Variants in ZNF440 observed in about 807,000 individuals in gnomAD.
The protein encoded by ZNF440 is zinc finger protein 440.
ZNF440 carries 47 observed loss-of-function variants against 49.7 expected under a neutral mutation model. The ratio of observed to expected loss-of-function variants is 0.95; its 90% confidence interval spans 0.75 to 1.21. ZNF440 has a LOEUF of 1.21. ZNF440 is among the 50% of genes most tolerant of loss of function. The pLI, the probability that ZNF440 is intolerant of heterozygous loss-of-function variation, is 0.00. For synonymous variants in ZNF440, 255 were observed against 237.7 expected, an observed-to-expected ratio of 1.07 and a Z score of -0.67; for missense variants, 703 against 715.0, an observed-to-expected ratio of 0.98 and a Z score of 0.19.
rs764788499 is a variant in ZNF440 at position 11,831,734 on chromosome 19, T to C, written c.558T>C (p.Ser186=). 2.5e-6 allele frequency: 4 copies of C among 1,613,980 alleles called. No individual in the cohort carries two copies. Among genetic ancestry groups the C allele is most frequent in the East Asian group, 4.5e-5 (2 of 44,858 alleles). ...VCGKTFISHS[S]VRRHMVMHSG... is the part of the protein sequence containing the mutation. The stretch of plus-strand genomic sequence containing the variant: ...GAAAAACCTTTATTTCCCATTCAAG[T>C]GTTCGAAGACACATGGTAATGCACA... Residue 186 remains serine (S), a synonymous_variant, in exon 4 of 4, where the codon AGT becomes AGC. Coordinates refer to ENST00000304060, the MANE Select transcript of ZNF440 (RefSeq NM_152357.3).
chr19:11,816,987 C>T (rs1975740346), intron 1 of ZNF440: 1 of 152,154 alleles, frequency 6.6e-6, no homozygotes, highest in African/African-American at 2.4e-5. Context: ...TTATAAGGTA[C>T]ATGAGGAGAC....
At chr19:11,816,238 G>A (rs1001545305) in intron 1 of ZNF440, 2 of 152,412 alleles carry the variant, frequency 1.3e-5, no homozygotes, top group African/African-American at 4.8e-5. Context: ...CTGGTTGAGA[G>A]TGTTGAATCT....
intron 1 of ZNF440, 96 bp from the exon 2 acceptor site, chr19:11,830,187 A>G: frequency 6.4e-7 from 1 of 1,565,090 alleles, no homozygotes; most frequent in East Asian, 2.2e-5. Flanking sequence ...ACGTGTTTGG[A>G]GTCCACGGCA....
At chr19:11,819,654 C>A (rs1245869402) in intron 1 of ZNF440, among the ~76,000 whole-genome samples, 2 of 152,188 alleles carry the variant, frequency 1.3e-5, no homozygotes, top group African/African-American at 2.4e-5. Context: ...TTCGCCTTGG[C>A]CTTCCAAAGT....
At chr19:11,824,517 G>A (rs1361973338) in intron 1 of ZNF440, among the ~76,000 whole-genome samples, 6 of 151,948 alleles carry the variant, frequency 3.9e-5, no homozygotes, top group African/African-American at 9.7e-5. Flanking sequence ...AATGATAACC[G>A]ATATGTGATA....
intron 1 of ZNF440, among the ~76,000 whole-genome samples, chr19:11,828,167 T>A (rs1005611984): frequency 4.6e-5 from 7 of 152,192 alleles, no homozygotes; most frequent in African/African-American, 1.7e-4. Flanking sequence ...ATGCCTTTTC[T>A]GCCTCTATTA....
In ZNF440 at chr19:11,834,072, A is replaced by C. The variant is rs1975988278; in HGVS notation, c.*1108A>C. 7.1e-6 allele frequency: 2 copies of C among 282,390 alleles called. No individual in the cohort carries two copies. Among genetic ancestry groups the C allele is most frequent in the Middle Eastern group, 7.9e-4 (2 of 2,530 alleles). The allele number at this position is 282,390 out of a possible 1,614,324, so 17.5% of individuals were successfully genotyped here. On this transcript the variant is annotated 3_prime_UTR_variant, in exon 4 of 4. Transcript: ENST00000304060. The stretch of plus-strand genomic sequence containing the variant: ...AATGCCAGACATCTTTTTATTCGAA[A>C]ATTTTACTTTTCATGCTTCTGTACT...
At chr19:11,818,707 A>AT (rs1296278982) in intron 1 of ZNF440, among the ~76,000 whole-genome samples, 1 of 151,918 alleles carries the variant, frequency 6.6e-6, no homozygotes, top group Non-Finnish European at 1.5e-5. Flanking sequence ...CACCTGGCTA[A>AT]TTTTTTATTT....
chr19:11,830,766 AGT>A, intron 3 of ZNF440, 89 bp downstream of exon 3: 2 of 1,457,190 alleles, frequency 1.4e-6, no homozygotes, highest in Non-Finnish European at 1.9e-6. Flanking sequence ...CAAAGAACTA[AGT>A]CCAGGATCAA....
In ZNF440 at chr19:11,832,785, A is replaced by C; in HGVS notation, c.1609A>C (p.Thr537Pro). Residue 537 changes from threonine to proline, a missense_variant, in exon 4 of 4, where the codon ACC (threonine) becomes CCC (proline). Physicochemically the swap from Thr to Pro is conservative, Grantham distance 38. Coordinates refer to ENST00000304060, the MANE Select transcript of ZNF440 (RefSeq NM_152357.3). ...CQSFECMVGL[T>P]LKRNPMSVSN... is the part of the protein sequence containing the mutation. Reference sequence around the variant, plus strand: ...ATCCTTTGAATGCATGGTAGGACTCACCCTGAAGAGAAACCCTATGAGTGT... The same window carrying C: ...ATCCTTTGAATGCATGGTAGGACTCCCCCTGAAGAGAAACCCTATGAGTGT... 1 of 1,613,700 alleles carries C rather than the reference A, an allele frequency of 6.2e-7. No individual in the cohort carries two copies. The highest frequency in any genetic ancestry group is 8.5e-7 in the Non-Finnish European group (1 of 1,179,864).
chr19:11,832,078 T>C lies in ZNF440; in HGVS notation c.902T>C (p.Ile301Thr). The change falls in exon 4 of 4, where the codon ATA becomes ACA. Residue 301 changes from isoleucine (I) to threonine (T), a missense_variant. By Grantham distance (89) the Ile-to-Thr change is moderately conservative (BLOSUM62 -1). Transcript: ENST00000304060. ...KAFTCPRYVR[I>T]HERTHSRKNL... ...TTCACGTGTCCCCGTTATGTTCGTA[T>C]ACATGAAAGGACCCACTCTAGGAAA... The C allele has an allele frequency of 6.2e-7, 1 of 1,614,146 alleles. No homozygotes were observed. The highest frequency in any genetic ancestry group is 2.2e-5 in the East Asian group (1 of 44,882).
chr19:11,815,262 G>C (rs1229821938), intron 1 of ZNF440, among the ~76,000 whole-genome samples: 1 of 144,622 alleles, frequency 6.9e-6, no homozygotes, highest in Non-Finnish European at 1.5e-5. Context: ...GGGCAACAGA[G>C]CGAGACAACT....
chr19:11,825,502 T>G (rs1247726296), intron 1 of ZNF440, among the ~76,000 whole-genome samples: 2 of 152,196 alleles, frequency 1.3e-5, no homozygotes, highest in Non-Finnish European at 2.9e-5. Flanking sequence ...CAAATGATGA[T>G]GTTCCTGCCT....
chr19:11,829,424 C>T (rs1975906004), intron 1 of ZNF440, among the ~76,000 whole-genome samples: 1 of 151,410 alleles, frequency 6.6e-6, no homozygotes, highest in Non-Finnish European at 1.5e-5. Context: ...TACATGCTTC[C>T]TCTGACAATA....
intron 1 of ZNF440, among the ~76,000 whole-genome samples, chr19:11,828,187 T>C (rs1268933644): frequency 6.6e-6 from 1 of 152,170 alleles, no homozygotes; most frequent in Non-Finnish European, 1.5e-5. Flanking sequence ...AAGGACATTC[T>C]TGTGGTGTTT....
chr19:11,832,757 T>A lies in ZNF440; in HGVS notation c.1581T>A (p.Cys527Ter), dbSNP rs758303244. 6.2e-7 allele frequency: 1 copy of A among 1,610,302 alleles called. No homozygotes were observed. The highest frequency in any genetic ancestry group is 8.5e-7 in the Non-Finnish European group (1 of 1,178,844). The stretch of plus-strand genomic sequence containing the variant: ...ATGTGGGAAAGCCTTCAGAGCTGTG[T>A]CAATCCTTTGAATGCATGGTAGGAC... ...ASNVGKPSEL[C>*]QSFECMVGLT... The change falls in exon 4 of 4, where the codon TGT becomes TGA. Residue 527 changes from cysteine (C) to a stop codon, truncating the protein, a stop_gained. Coordinates refer to ENST00000304060, the MANE Select transcript of ZNF440 (RefSeq NM_152357.3). LOFTEE classifies it high-confidence loss of function.
At position 11,831,479 on chromosome 19, in the gene ZNF440, T is replaced by C; in HGVS notation, c.303T>C (p.Pro101=). 9 of 1,613,964 alleles carry C rather than the reference T, an allele frequency of 5.6e-6. No homozygotes were observed. The highest frequency in any genetic ancestry group is 7.6e-6 in the Non-Finnish European group (9 of 1,179,864). Reference sequence around the variant, plus strand: ...ACTTCCAGGAGAAGAAAGCTTCTCCTGAAGTAAAATCATGTGAAAGCTTTG... The same window carrying C: ...ACTTCCAGGAGAAGAAAGCTTCTCCCGAAGTAAAATCATGTGAAAGCTTTG... The part of the protein sequence containing the change: ...RLNFQEKKAS[P]EVKSCESFVC... Residue 101 remains proline (P), a synonymous_variant, in exon 4 of 4, where the codon CCT becomes CCC. Coordinates refer to ENST00000304060, the MANE Select transcript of ZNF440 (RefSeq NM_152357.3).
intron 1 of ZNF440, among the ~76,000 whole-genome samples, chr19:11,823,198 C>T (rs1975820432): frequency 6.6e-6 from 1 of 152,130 alleles, no homozygotes; most frequent in Non-Finnish European, 1.5e-5. Flanking sequence ...TCTCCTGTGT[C>T]TTCTCATAAG....
intron 1 of ZNF440, among the ~76,000 whole-genome samples, chr19:11,819,612 C>G (rs1975774639): frequency 6.6e-6 from 1 of 152,178 alleles, no homozygotes; most frequent in African/African-American, 2.4e-5. Flanking sequence ...GTTGGCCAGG[C>G]TGGCCTCGAA....
Sources: allele counts gnomAD v4.1 joint callset (sites outside exome capture counted in the v4.1 genomes callset), GRCh38; gene constraint gnomAD v4.1.1; transcripts MANE v1.5; gene names NCBI Gene and HGNC (gene_info 2026-07-23, HGNC 2026-07-21).